The following COL14A1 variants were observed in gnomAD, a reference collection of about 807,000 sequenced individuals.
COL14A1 encodes the protein collagen alpha-1(XIV) chain.
COL14A1 carries 136 observed loss-of-function variants against 230.3 expected under a neutral mutation model. The ratio of observed to expected loss-of-function variants is 0.59; its 90% CI spans 0.51 to 0.68. The LOEUF (loss-of-function observed/expected upper bound fraction) is 0.68. Ranked by LOEUF, COL14A1 falls within the 30% of genes least tolerant of loss-of-function variation. COL14A1 has a pLI of 0.00. For missense variants in COL14A1, 1,976 were observed against 2,215.8 expected (o/e 0.89, Z 2.17); for synonymous variants, 792 against 784.1 (o/e 1.01, Z -0.17).
At chr8:120,302,666 C>T (rs1820751903) in intron 36 of COL14A1, among the ~76,000 whole-genome samples, 1 of 151,976 alleles carries the variant, frequency 6.6e-6, no homozygotes, top group Non-Finnish European at 1.5e-5. Flanking sequence ...TTTGAAGTTG[C>T]ATAACATGAT....
intron 10 of COL14A1, 93 bp from the exon 11 acceptor site, chr8:120,208,139 A>C (rs530423869): frequency 1.6e-6 from 2 of 1,250,746 alleles, no homozygotes; most frequent in African/African-American, 3.0e-5. Flanking sequence ...ATATTCAATG[A>C]AATATTTTTG....
At chr8:120,342,870 GA>G (rs1822356224) in intron 44 of COL14A1, among the ~76,000 whole-genome samples, 1 of 152,184 alleles carries the variant, frequency 6.6e-6, no homozygotes, top group African/African-American at 2.4e-5. Context: ...AGATTTAAAT[GA>G]ATATTTCCTT....
intron 5 of COL14A1, among the ~76,000 whole-genome samples, chr8:120,171,576 T>G (rs1051054582): frequency 6.6e-6 from 1 of 152,186 alleles, no homozygotes; most frequent in African/African-American, 2.4e-5. Context: ...TGTTGACATG[T>G]GTGTTTTCAG....
intron 21 of COL14A1, among the ~76,000 whole-genome samples, chr8:120,248,956 C>T (rs373579637): frequency 1.8e-5 from 2 of 109,608 alleles, no homozygotes; most frequent in Admixed American, 1.3e-4. Flanking sequence ...GACGGAGTCT[C>T]GCTCTGTCAC....
At chr8:120,211,276 T>C (rs1207733373) in intron 12 of COL14A1, among the ~76,000 whole-genome samples, 13 of 152,158 alleles carry the variant, frequency 8.5e-5, no homozygotes, top group Non-Finnish European at 1.5e-5. Flanking sequence ...AAAATAGTGG[T>C]ATATTTATAG....
intron 26 of COL14A1, among the ~76,000 whole-genome samples, chr8:120,276,687 T>C (rs1586824578): frequency 2.6e-5 from 4 of 151,412 alleles, no homozygotes; most frequent in East Asian, 3.9e-4. Flanking sequence ...TATGGCTGCA[T>C]GGTGGGGGTA....
At chr8:120,175,075 C>T (rs781329168) in intron 5 of COL14A1, among the ~76,000 whole-genome samples, 11 of 152,136 alleles carry the variant, frequency 7.2e-5, no homozygotes, top group Non-Finnish European at 1.3e-4. Flanking sequence ...TACAATCAGA[C>T]GTATTATACA....
At chr8:120,208,132 T>A (rs1817500432) in intron 10 of COL14A1, 100 bp from the exon 11 acceptor site, 14 of 1,214,302 alleles carry the variant, frequency 1.2e-5, no homozygotes, top group Non-Finnish European at 1.5e-5. Context: ...CAAGAAAATA[T>A]TCAATGAAAT....
intron 29 of COL14A1, among the ~76,000 whole-genome samples, chr8:120,280,474 C>T (rs536163905): frequency 6.6e-6 from 1 of 152,214 alleles, no homozygotes; most frequent in Non-Finnish European, 1.5e-5. Context: ...AGGTGATAAC[C>T]ACTGATTTTA....
intron 14 of COL14A1, among the ~76,000 whole-genome samples, chr8:120,219,437 C>T (rs994702656): frequency 1.2e-4 from 18 of 152,178 alleles, no homozygotes; most frequent in Non-Finnish European, 2.1e-4. Context: ...ATTTATTGTT[C>T]ACAGTTCTAG....
chr8:120,233,657 G>A (rs1350752922), intron 19 of COL14A1, among the ~76,000 whole-genome samples: 3 of 152,056 alleles, frequency 2.0e-5, no homozygotes, highest in East Asian at 1.9e-4. Context: ...TGAGGTCTCT[G>A]TTCTGTTCCA....
intron 19 of COL14A1, among the ~76,000 whole-genome samples, chr8:120,239,100 C>G (rs1476901435): frequency 6.6e-6 from 1 of 152,168 alleles, no homozygotes; most frequent in Non-Finnish European, 1.5e-5. Context: ...TTAATTGTGG[C>G]CTGGTACACT....
At chr8:120,346,362 G>A (rs181497857) in intron 45 of COL14A1, among the ~76,000 whole-genome samples, 17 of 152,170 alleles carry the variant, frequency 1.1e-4, no homozygotes, top group South Asian at 2.1e-4. Context: ...CATGTTAACC[G>A]TGAAGAAAGT....
At chr8:120,174,443 A>C (rs566086948) in intron 5 of COL14A1, among the ~76,000 whole-genome samples, 2 of 152,348 alleles carry the variant, frequency 1.3e-5, no homozygotes, top group Admixed American at 6.5e-5. Context: ...AAAACCTAGG[A>C]TTGAGTGAAA....
chr8:120,297,519 A>G lies in COL14A1; in HGVS notation c.4245A>G (p.Leu1415=), dbSNP rs1456069120. ...GPGGNSAPFQ[L]QMFDIVCSTS... is the part of the protein sequence containing the mutation. ...TTCTTTTTAAATCATAGTTCCAGTT[A>G]CAGATGTTTGATATTGTTTGCTCCA... Residue 1415 remains leucine, a synonymous_variant, in exon 35 of 48, where the codon TTA becomes TTG. Coordinates refer to ENST00000297848, the MANE Select transcript of COL14A1 (RefSeq NM_021110.4). 1.4e-6 allele frequency: 2 copies of G among 1,451,020 alleles called. No homozygotes were observed. Among genetic ancestry groups the G allele is most frequent in the Non-Finnish European group, 1.8e-6 (2 of 1,102,826 alleles). 89.9% of individuals were successfully genotyped at this position (1,451,020 alleles called of 1,614,324 possible). A position where few individuals can be genotyped will look rare whatever the true frequency, so the allele number is the denominator to read the frequency against.
chr8:120,197,966 C>G, intron 7 of COL14A1, 36 bp downstream of exon 7: 16 of 1,600,718 alleles, frequency 1.0e-5, no homozygotes, highest in Non-Finnish European at 1.3e-5. Flanking sequence ...AACAACATAT[C>G]TTTTTGAAGA....
chr8:120,280,176 G>C (rs776919193), intron 29 of COL14A1, 77 bp downstream of exon 29: 1 of 1,483,688 alleles, frequency 6.7e-7, no homozygotes, highest in Non-Finnish European at 9.3e-7. Flanking sequence ...TAGTGAGTCC[G>C]ATCTAGATCT....
Position 120,289,752 on chromosome 8 carries a change from G to A in COL14A1, c.4222G>A (p.Gly1408Arg). 1 of 1,613,320 alleles carries A rather than the reference G, an allele frequency of 6.2e-7. No individual in the cohort carries two copies. Among genetic ancestry groups the A allele is most frequent in the South Asian group, 1.1e-5 (1 of 90,942 alleles). Residue 1408 changes from glycine (G) to arginine (R), a missense_variant, in exon 34 of 48, where the codon GGA becomes AGA. Physicochemically the swap from Gly to Arg is moderately radical, Grantham distance 125. This residue lies in a region of COL14A1 where 1,791 missense variants were observed against 2,019.5 expected (regional missense o/e 0.89). Transcript: ENST00000297848. ...GKMVRSRGPG[G>R]NSAPFQLQMF... ...AATGGTTCGATCAAGAGGACCAGGT[G>A]GAAACTCTGCACCGGTAAGTGAATA...
At chr8:120,125,460 C>G (rs575432791) in intron 1 of COL14A1, 120 bp downstream of exon 1, 1 of 152,404 alleles carries the variant, frequency 6.6e-6, no homozygotes, top group Non-Finnish European at 1.5e-5. Context: ...TTTCTTTTCA[C>G]GCGCGCGCCC....
Sources: allele counts gnomAD v4.1 joint callset (sites outside exome capture counted in the v4.1 genomes callset), GRCh38; gene constraint gnomAD v4.1.1; regional missense constraint gnomAD v4.1.1; transcripts MANE v1.5; gene names NCBI Gene and HGNC (gene_info 2026-07-23, HGNC 2026-07-21).